The following ANO3 variants were observed in gnomAD, a reference collection of about 807,000 sequenced individuals.
ANO3 encodes anoctamin-3.
ANO3 carries 99 observed loss-of-function variants against 144.8 expected under a neutral mutation model. That is an observed-to-expected ratio of 0.68 (90% CI 0.58 to 0.81). The LOEUF (loss-of-function observed/expected upper bound fraction) is 0.81, where lower values mean the gene tolerates loss of function less well. Ranked by LOEUF, ANO3 falls within the 30% of genes least tolerant of loss-of-function variation. The pLI, the probability that ANO3 is intolerant of heterozygous loss-of-function variation, is 0.00. For synonymous variants in ANO3, 414 were observed against 392.6 expected (o/e 1.05, Z -0.64); for missense variants, 905 against 1,202.2 (o/e 0.75, Z 3.66).
At chr11:26,328,134 T>C (rs1235689249), upstream of ANO3, among the ~76,000 whole-genome samples, 4 of 152,190 alleles carry the variant, frequency 2.6e-5, no homozygotes, top group African/African-American at 9.6e-5. Context: ...CCTCCATGAC[T>C]TTATCTTAGA....
chr11:26,551,164 G>A lies in ANO3; in HGVS notation c.1290-2085G>A, dbSNP rs200667002. Reference sequence around the variant, plus strand: ...TTAGCTGGATTATAAGGAAGCATGAGAACCCTCAAGTGAGTGGGTCCAAAC... The same window carrying A: ...TTAGCTGGATTATAAGGAAGCATGAAAACCCTCAAGTGAGTGGGTCCAAAC... On this transcript the variant is annotated intron_variant, in intron 12 of 26. Transcript: ENST00000256737. 1.6e-4 allele frequency among the ~76,000 whole-genome samples: 24 copies of A among 152,016 alleles called. No individual in the cohort carries two copies. In the East Asian group the frequency reaches 4.6e-3, roughly 29 times the overall value.
Position 26,593,484 on chromosome 11 carries a change from G to A in ANO3, c.1448-4881G>A, listed in dbSNP as rs73434356. Among the ~76,000 whole-genome samples the A allele has an allele frequency of 6.2e-3, 948 of 152,228 alleles. 6 individuals carry two copies. Among genetic ancestry groups the A allele is most frequent in the African/African-American group, 0.021 (888 of 41,526 alleles). ...GCAGGACAGTAAGACTAAGAAGGCC[G>A]CGCCAGTGTCCTGGGGACAGTTAAA... On this transcript the variant is annotated intron_variant, in intron 14 of 26. Transcript: ENST00000256737.
At chr11:26,209,699 G>GGTA (rs1327575971) in intron 1 of ANO3, among the ~76,000 whole-genome samples, 1 of 152,146 alleles carries the variant, frequency 6.6e-6, no homozygotes, top group African/African-American at 2.4e-5. Context: ...GGTGTGAGAT[G>GGTA]GTATCTCATT....
At chr11:26,580,358 A>G (rs540961298) in intron 14 of ANO3, among the ~76,000 whole-genome samples, 2 of 152,182 alleles carry the variant, frequency 1.3e-5, no homozygotes, top group African/African-American at 4.8e-5. Flanking sequence ...TTTCAGCTTC[A>G]TAATTCATCA....
Position 26,544,267 on chromosome 11 carries a change from T to TACAC in ANO3, c.1154+2200_1154+2201insCACA, listed in dbSNP as rs1349932113. On this transcript the variant is annotated intron_variant, in intron 11 of 26. Transcript: ENST00000256737. ...TTCATTATACATATATATATATATATATATATACACACATACACACACACA... is the reference window on the plus strand; with the variant it reads ...TTCATTATACATATATATATATATATACACATATATACACACATACACACACACA... Among the ~76,000 whole-genome samples the TACAC allele has an allele frequency of 1.7e-4, 13 of 75,382 alleles. No individual in the cohort carries two copies. In the East Asian group the frequency reaches 0.015, roughly 86 times the overall value. The allele number at this position is 75,382 out of a possible 152,430, so 49.5% of individuals were successfully genotyped here.
chr11:26,338,700 C>T (rs998033882), intron 1 of ANO3, among the ~76,000 whole-genome samples: 4 of 151,806 alleles, frequency 2.6e-5, no homozygotes, highest in Non-Finnish European at 5.9e-5. Context: ...TGAACCCCCC[C>T]ACTGGGAGAA....
chr11:26,436,680 A>G (rs934813240), intron 1 of ANO3, among the ~76,000 whole-genome samples: 1 of 152,078 alleles, frequency 6.6e-6, no homozygotes, highest in South Asian at 2.1e-4. Context: ...CCACTTCTTC[A>G]TAGTGCTGGG....
intron 1 of ANO3, among the ~76,000 whole-genome samples, chr11:26,284,378 C>T (rs1384277310): frequency 6.6e-6 from 1 of 152,074 alleles, no homozygotes; most frequent in Non-Finnish European, 1.5e-5. Flanking sequence ...AAAGAGGATT[C>T]TAATTTGATT....
At chr11:26,635,519 C>A (rs1169726984) in intron 20 of ANO3, among the ~76,000 whole-genome samples, 3 of 152,010 alleles carry the variant, frequency 2.0e-5, no homozygotes, top group African/African-American at 7.3e-5. Context: ...GGAAAAACTG[C>A]CCAGGAGTAG....
intron 14 of ANO3, 68 bp downstream of exon 14, chr11:26,559,847 C>CAT (rs1850214362): frequency 2.5e-6 from 2 of 811,786 alleles, no homozygotes; most frequent in South Asian, 1.5e-5. Flanking sequence ...CACACACACA[C>CAT]ACACACACAC....
chr11:26,463,207 A>T (rs1859482023), intron 4 of ANO3, 59 bp downstream of exon 4: 2 of 854,404 alleles, frequency 2.3e-6, no homozygotes, highest in Admixed American at 2.4e-5. Flanking sequence ...AAAACCTTAC[A>T]ATATTCATCT....
chr11:26,542,740 C>T (rs892933311), intron 11 of ANO3, among the ~76,000 whole-genome samples: 3 of 152,044 alleles, frequency 2.0e-5, no homozygotes, highest in African/African-American at 4.8e-5. Context: ...GTTGTATTCA[C>T]GATTTATATC....
At chr11:26,441,276 C>T (rs1051908091) in intron 1 of ANO3, among the ~76,000 whole-genome samples, 4 of 151,184 alleles carry the variant, frequency 2.6e-5, no homozygotes. Context: ...CGCCACTACG[C>T]CCGGCTAATT....
chr11:26,248,049 A>G (rs1852839284), intron 1 of ANO3, among the ~76,000 whole-genome samples: 1 of 151,774 alleles, frequency 6.6e-6, no homozygotes, highest in South Asian at 2.1e-4. Context: ...CATTTTTAAG[A>G]GGAAGGATTG....
chr11:26,638,140 C>T (rs1035198492), intron 20 of ANO3, among the ~76,000 whole-genome samples: 5 of 152,076 alleles, frequency 3.3e-5, no homozygotes, highest in African/African-American at 1.2e-4. Context: ...TACTTCCTTT[C>T]CAGGAGGTAG....
At chr11:26,289,389 CCT>C (rs1199747326) in intron 1 of ANO3, among the ~76,000 whole-genome samples, 1 of 150,808 alleles carries the variant, frequency 6.6e-6, no homozygotes, top group African/African-American at 2.4e-5. Flanking sequence ...TGACACCAAA[CCT>C]AAAACATATT....
rs778039504 is a variant in ANO3 at position 26,656,216 on chromosome 11, T to G, written c.2657+11T>G. ...ATCTGGTTATTGCAGGTACTTATAA[T>G]AGTTATCTTTCCTGCTTGCTTTCAC... On this transcript the variant is annotated intron_variant, in intron 25 of 26. Coordinates refer to ENST00000256737, the MANE Select transcript of ANO3 (RefSeq NM_031418.4). 6.2e-7 allele frequency: 1 copy of G among 1,605,868 alleles called. No individual in the cohort carries two copies. The highest frequency in any genetic ancestry group is 2.2e-5 in the East Asian group (1 of 44,820).
At chr11:26,383,860 A>G (rs567433139) in intron 1 of ANO3, among the ~76,000 whole-genome samples, 2 of 146,680 alleles carry the variant, frequency 1.4e-5, no homozygotes, top group Non-Finnish European at 3.0e-5. Context: ...ACTTTGTGCC[A>G]CGCATTGTTC....
At chr11:26,654,700 A>G (rs1318920997) in intron 24 of ANO3, among the ~76,000 whole-genome samples, 1 of 152,144 alleles carries the variant, frequency 6.6e-6, no homozygotes, top group Non-Finnish European at 1.5e-5. Context: ...CATATGAAGC[A>G]TTTCACTGTT....
Sources: allele counts gnomAD v4.1 joint callset (sites outside exome capture counted in the v4.1 genomes callset), GRCh38; gene constraint gnomAD v4.1.1; transcripts MANE v1.5; gene names NCBI Gene and HGNC (gene_info 2026-07-23, HGNC 2026-07-21).